NF1: variants seen among roughly 807,000 people sequenced by gnomAD.
NF1 encodes neurofibromin.
In NF1, 122 loss-of-function variants were observed where a neutral mutation model predicts 325.7. The observed-to-expected ratio is 0.37, with a 90% confidence interval of 0.32 to 0.44. The LOEUF is 0.44. Among genes scored for constraint, NF1 ranks in the 20% least tolerant of loss-of-function variants. The probability of loss-of-function intolerance (pLI) is 1.00; values close to 1 mark genes in which losing one functional copy is unlikely to be tolerated. For missense variants in NF1, 2,140 were observed against 3,415.4 expected (o/e 0.63, Z 9.31); for synonymous variants, 1,091 against 1,186.0 (o/e 0.92, Z 1.65).
intron 8 of NF1, among the ~76,000 whole-genome samples, chr17:31,184,378 G>C (rs1160896619): frequency 6.6e-6 from 1 of 152,076 alleles, no homozygotes; most frequent in South Asian, 2.1e-4. Context: ...GGCCGGGCGC[G>C]GTGGCTCACG....
chr17:31,373,008 C>A (rs1419972616), intron 57 of NF1, among the ~76,000 whole-genome samples: 1 of 152,110 alleles, frequency 6.6e-6, no homozygotes, highest in Non-Finnish European at 1.5e-5. Context: ...AGGGCAAGAC[C>A]CTGTCTCTAA....
At chr17:31,148,702 T>G (rs558805832) in intron 1 of NF1, among the ~76,000 whole-genome samples, 24 of 152,330 alleles carry the variant, frequency 1.6e-4, no homozygotes, top group African/African-American at 5.8e-4. Flanking sequence ...CTTGGGTTTT[T>G]AGAGGCACTA....
chr17:31,360,715 T>G lies in NF1; in HGVS notation c.8377+12T>G. 6.3e-7 allele frequency: 1 copy of G among 1,597,026 alleles called. No individual in the cohort carries two copies. The highest frequency in any genetic ancestry group is 8.6e-7 in the Non-Finnish European group (1 of 1,164,450). On this transcript the variant is annotated intron_variant, in intron 57 of 57. Coordinates refer to ENST00000358273, the MANE Select transcript of NF1 (RefSeq NM_001042492.3). ...CCAGCATTCCCCAGGTCAGTAAATG[T>G]GATCTTTATATGACTTTGAGCAACA...
At chr17:31,192,818 T>C (rs1047955318) in intron 8 of NF1, among the ~76,000 whole-genome samples, 3 of 152,302 alleles carry the variant, frequency 2.0e-5, no homozygotes, top group Non-Finnish European at 4.4e-5. Context: ...AGTCACGATA[T>C]ATAGCGTCAA....
intron 4 of NF1, among the ~76,000 whole-genome samples, chr17:31,166,260 T>G (rs1236256127): frequency 6.6e-6 from 1 of 152,232 alleles, no homozygotes; most frequent in African/African-American, 2.4e-5. Flanking sequence ...GGTTTCTTAC[T>G]CTTTTTTTAA....
At chr17:31,118,292 AT>A (rs5819917) in intron 1 of NF1, among the ~76,000 whole-genome samples, 342 of 143,108 alleles carry the variant, frequency 2.4e-3, no homozygotes, top group South Asian at 6.4e-3. Flanking sequence ...CCAGATGCTG[AT>A]TTTTTTTTTT....
intron 26 of NF1, 58 bp from the exon 27 acceptor site, chr17:31,232,944 G>C (rs1225493730): frequency 1.2e-6 from 2 of 1,613,654 alleles, no homozygotes; most frequent in Non-Finnish European, 1.7e-6. Flanking sequence ...TGTAAGAGAA[G>C]CAAAAATTAC....
intron 1 of NF1, chr17:31,137,433 A>G (rs1251642030): frequency 6.6e-6 from 1 of 152,062 alleles, no homozygotes; most frequent in Non-Finnish European, 1.5e-5. Context: ...CATTTGCTTC[A>G]GTTTTTATGT....
chr17:31,325,337 A>G (rs1344779573), intron 36 of NF1, among the ~76,000 whole-genome samples: 1 of 152,198 alleles, frequency 6.6e-6, no homozygotes, highest in African/African-American at 2.4e-5. Context: ...AAATATCTCA[A>G]ATCCCAACAA....
At chr17:31,155,714 G>C (rs1228866042) in intron 1 of NF1, among the ~76,000 whole-genome samples, 3 of 152,126 alleles carry the variant, frequency 2.0e-5, no homozygotes, top group African/African-American at 7.2e-5. Flanking sequence ...ATGACTTCCA[G>C]AAAGAAAGCT....
chr17:31,239,447 G>T (rs764573545), intron 29 of NF1, among the ~76,000 whole-genome samples: 2 of 151,648 alleles, frequency 1.3e-5, no homozygotes, highest in Non-Finnish European at 2.9e-5. Flanking sequence ...AATAAAAGCA[G>T]TTGCTTAGCA....
At chr17:31,293,191 AAAAAAAAAAAAAAAAAAAAAG>A (rs1445732288) in intron 36 of NF1, among the ~76,000 whole-genome samples, 7 of 112,106 alleles carry the variant, frequency 6.2e-5, no homozygotes, top group Non-Finnish European at 9.5e-5. Flanking sequence ...AAAAAAAAAA[AAAAAAAAAAAAAAAAAAAAAG>A]AAACCTACTT....
intron 8 of NF1, among the ~76,000 whole-genome samples, chr17:31,188,162 C>T (rs1212219665): frequency 2.0e-5 from 3 of 152,140 alleles, no homozygotes; most frequent in Non-Finnish European, 4.4e-5. Context: ...AAAAAACCAC[C>T]ACCTGCTGAG....
intron 36 of NF1, among the ~76,000 whole-genome samples, chr17:31,313,707 A>G (rs2151520211): frequency 8.0e-6 from 1 of 125,738 alleles, no homozygotes; most frequent in Non-Finnish European, 1.7e-5. Context: ...CTCTATCTCA[A>G]AAAAAAAAAA....
chr17:31,322,249 G>A (rs747340725), intron 36 of NF1, among the ~76,000 whole-genome samples: 7 of 151,926 alleles, frequency 4.6e-5, no homozygotes, highest in Admixed American at 4.6e-4. Context: ...GAGGGTTGAC[G>A]CAGGCAGATC....
At chr17:31,158,211 T>C (rs1482558391) in intron 2 of NF1, among the ~76,000 whole-genome samples, 1 of 152,194 alleles carries the variant, frequency 6.6e-6, no homozygotes, top group Non-Finnish European at 1.5e-5. Context: ...CTTGGTGTGT[T>C]TCCTTTTAAG....
At chr17:31,107,424 C>T (rs959167844) in intron 1 of NF1, among the ~76,000 whole-genome samples, 2 of 151,866 alleles carry the variant, frequency 1.3e-5, no homozygotes, top group South Asian at 2.1e-4. Context: ...GCCACCATGC[C>T]GGGCTAGTTT....
At chr17:31,096,723 T>C (rs762240954) in intron 1 of NF1, among the ~76,000 whole-genome samples, 1 of 152,162 alleles carries the variant, frequency 6.6e-6, no homozygotes, top group Non-Finnish European at 1.5e-5. Flanking sequence ...CTGGAAAATA[T>C]CTTGGAATAG....
At chr17:31,341,688 G>GGT (rs142968323) in intron 47 of NF1, among the ~76,000 whole-genome samples, 67 of 147,082 alleles carry the variant, frequency 4.6e-4, no homozygotes, top group East Asian at 2.4e-3. Context: ...GTGCTAATGG[G>GGT]GTGTGTGTGT....
Sources: gnomAD v4.1 joint callset for allele counts (sites outside exome capture counted in the v4.1 genomes callset) on GRCh38, gnomAD v4.1.1 for gene constraint, MANE v1.5 for transcripts, NCBI Gene and HGNC (gene_info 2026-07-23, HGNC 2026-07-21) for gene names.